C7: variants seen among roughly 807,000 people sequenced by gnomAD.
C7 encodes the protein complement component C7.
In C7, 83 loss-of-function variants were observed where a neutral mutation model predicts 104.8. The observed-to-expected ratio is 0.79, with a 90% CI of 0.66 to 0.95. The LOEUF (loss-of-function observed/expected upper bound fraction) is 0.95. Ranked by LOEUF, C7 falls within the 40% of genes least tolerant of loss-of-function variation. The probability of loss-of-function intolerance (pLI) is 0.00; values close to 1 mark genes in which losing one functional copy is unlikely to be tolerated. For missense variants in C7, 1,070 were observed against 1,011.2 expected, an observed-to-expected ratio of 1.06 and a Z score of -0.79; for synonymous variants, 415 against 360.6, an observed-to-expected ratio of 1.15 and a Z score of -1.71.
chr5:40,979,362 A>G (rs1325393086), intron 16 of C7, among the ~76,000 whole-genome samples: 1 of 152,112 alleles, frequency 6.6e-6, no homozygotes, highest in Non-Finnish European at 1.5e-5. Flanking sequence ...TTTGACTATG[A>G]TCACATTGAA....
At chr5:40,924,830 G>A (rs148898154) in intron 1 of C7, among the ~76,000 whole-genome samples, 1 of 152,360 alleles carries the variant, frequency 6.6e-6, no homozygotes, top group Non-Finnish European at 1.5e-5. Flanking sequence ...CCTGCATGCA[G>A]GGATCAGTGT....
In C7 at chr5:40,968,766, A is replaced by G. The variant is rs1326173034; in HGVS notation, c.1883-3637A>G. On this transcript the variant is annotated intron_variant, in intron 14 of 17. Coordinates refer to ENST00000313164, the MANE Select transcript of C7 (RefSeq NM_000587.4). ...AGCTGGGATTATAGACGCTTGCCAC[A>G]GTGCCCAGCTAATTTTGTACTTTTT... Among the ~76,000 whole-genome samples the G allele has an allele frequency of 2.7e-5, 4 of 150,728 alleles. No individual in the cohort carries two copies. The South Asian group carries it at 8.4e-4, about 32-fold the overall frequency.
chr5:40,915,592 A>G (rs963275594), intron 1 of C7, among the ~76,000 whole-genome samples: 2 of 152,148 alleles, frequency 1.3e-5, no homozygotes, highest in Non-Finnish European at 2.9e-5. Context: ...AACACACCCC[A>G]CATAGCTTAT....
At chr5:40,957,159 A>G (rs939175597) in intron 10 of C7, among the ~76,000 whole-genome samples, 8 of 152,214 alleles carry the variant, frequency 5.3e-5, no homozygotes, top group African/African-American at 1.7e-4. Context: ...GAAATTGGCT[A>G]TGGTGAGAGC....
chr5:40,938,985 T>C (rs1444090433), intron 6 of C7, among the ~76,000 whole-genome samples: 1 of 152,214 alleles, frequency 6.6e-6, no homozygotes, highest in East Asian at 1.9e-4. Context: ...TGTTAGCTTC[T>C]TTCTTGCTCT....
At chr5:40,925,037 C>T (rs1304956054) in intron 1 of C7, among the ~76,000 whole-genome samples, 1 of 152,226 alleles carries the variant, frequency 6.6e-6, no homozygotes, top group African/African-American at 2.4e-5. Context: ...GTGCTTGCTC[C>T]ACAGCCCTCC....
intron 13 of C7, among the ~76,000 whole-genome samples, chr5:40,963,334 A>T (rs73750216): frequency 0.11 from 16,434 of 152,234 alleles, 1,129 homozygotes; most frequent in Non-Finnish European, 0.15. Context: ...ACAAGTGATT[A>T]TGATATACAG....
chr5:40,913,663 T>C (rs1394388141), intron 1 of C7, among the ~76,000 whole-genome samples: 1 of 151,930 alleles, frequency 6.6e-6, no homozygotes, highest in Non-Finnish European at 1.5e-5. Context: ...TGTGCAAATA[T>C]ATATATATGT....
intron 15 of C7, among the ~76,000 whole-genome samples, chr5:40,974,697 C>T (rs1266334787): frequency 1.3e-5 from 2 of 152,118 alleles, no homozygotes; most frequent in South Asian, 2.1e-4. Context: ...GGATTACAGG[C>T]GTGAGCCACT....
chr5:40,945,875 CATATATATATATAT>C (rs58480949), intron 7 of C7, among the ~76,000 whole-genome samples: 2,461 of 127,340 alleles, frequency 0.019, 88 homozygotes, highest in East Asian at 0.11. Context: ...AAAAAAAATA[CATATATATATATAT>C]ATATATATAT....
At position 40,950,622 on chromosome 5, in the gene C7, CTCTT is replaced by C. The variant is rs1740148063; in HGVS notation, c.1093+611_1093+614del. Among the ~76,000 whole-genome samples the C allele has an allele frequency of 3.3e-5, 5 of 152,202 alleles. No individual in the cohort carries two copies. In the South Asian group the frequency reaches 1.0e-3, roughly 31 times the overall value. ...ATTTGGTAATTTTTGTCTCTGCTCT[CTCTT>C]TCATGTGTCAAGGTAGTGAGACATC... is the stretch of plus-strand genomic sequence containing the variant. On this transcript the variant is annotated intron_variant, in intron 9 of 17. Coordinates refer to ENST00000313164, the MANE Select transcript of C7 (RefSeq NM_000587.4).
At chr5:40,979,634 G>A (rs1166335327) in intron 16 of C7, 91 bp from the exon 17 acceptor site, 4 of 941,322 alleles carry the variant, frequency 4.2e-6, no homozygotes, top group Non-Finnish European at 6.1e-6. Flanking sequence ...ACATCTGGGG[G>A]CACTAAGCTC....
At chr5:40,964,714 C>A (rs7713884) in intron 13 of C7, 27 bp from the exon 14 acceptor site, 376,843 of 1,599,236 alleles carry the variant, frequency 0.24, 46,542 homozygotes, top group African/African-American at 0.35. Flanking sequence ...CAAACTCTTT[C>A]CTTTTCCATC....
At chr5:40,914,822 T>C (rs552510950) in intron 1 of C7, among the ~76,000 whole-genome samples, 1 of 152,178 alleles carries the variant, frequency 6.6e-6, no homozygotes, top group Admixed American at 6.5e-5. Flanking sequence ...TTTGAGAAAA[T>C]GTAAAGGTAC....
In C7 at chr5:40,983,158, G is replaced by T. The variant is rs181906009; in HGVS notation, c.*1585G>T. Among the ~76,000 whole-genome samples the T allele has an allele frequency of 4.6e-5, 7 of 152,292 alleles. No individual in the cohort carries two copies. The highest frequency in any genetic ancestry group is 3.9e-4 in the Admixed American group (6 of 15,298). ...GACATTGCAACTGCATTTGTTAGCGGTTATTACAGAGTTAATTTCTACCCT... is the reference window on the plus strand; with the variant it reads ...GACATTGCAACTGCATTTGTTAGCGTTTATTACAGAGTTAATTTCTACCCT... On this transcript the variant is annotated 3_prime_UTR_variant, in exon 18 of 18. Transcript: ENST00000313164.
At chr5:40,942,665 A>G (rs1739964264) in intron 6 of C7, among the ~76,000 whole-genome samples, 1 of 152,114 alleles carries the variant, frequency 6.6e-6, no homozygotes. Context: ...TGACTAGAGA[A>G]ATAAAGTATT....
intron 3 of C7, among the ~76,000 whole-genome samples, chr5:40,932,794 T>C (rs577176088): frequency 6.6e-6 from 1 of 152,180 alleles, no homozygotes; most frequent in Non-Finnish European, 1.5e-5. Flanking sequence ...ATACAAGCAA[T>C]TTTTTTCTTT....
intron 14 of C7, among the ~76,000 whole-genome samples, chr5:40,971,676 A>C (rs1740699855): frequency 6.6e-6 from 1 of 152,112 alleles, no homozygotes; most frequent in Non-Finnish European, 1.5e-5. Context: ...TTATGTCCTG[A>C]ATGGTATTGC....
At chr5:40,959,306 T>C (rs1740372078) in intron 11 of C7, 143 bp from the exon 12 acceptor site, 1 of 709,560 alleles carries the variant, frequency 1.4e-6, no homozygotes, top group Non-Finnish European at 2.3e-6. Context: ...TTCTGAACAT[T>C]GTAGAAAACC....
Sources: gnomAD v4.1 joint callset for allele counts (sites outside exome capture counted in the v4.1 genomes callset) on GRCh38, gnomAD v4.1.1 for gene constraint, MANE v1.5 for transcripts, NCBI Gene and HGNC (gene_info 2026-07-23, HGNC 2026-07-21) for gene names.